Variants in DLG2 observed in about 807,000 individuals in gnomAD.
DLG2 encodes the protein disks large homolog 2.
In DLG2, 45 loss-of-function variants were observed where a neutral mutation model predicts 132.5. The observed-to-expected ratio is 0.34, with a 90% CI of 0.27 to 0.44. The LOEUF (loss-of-function observed/expected upper bound fraction) is 0.44. Ranked by LOEUF, DLG2 falls within the 20% of genes least tolerant of loss-of-function variation. The probability of loss-of-function intolerance (pLI) is 1.00; values close to 1 mark genes in which losing one functional copy is unlikely to be tolerated. For missense variants in DLG2, 1,045 were observed against 1,196.9 expected (o/e 0.87, Z 1.87); for synonymous variants, 424 against 419.6 (o/e 1.01, Z -0.13).
intron 15 of DLG2, among the ~76,000 whole-genome samples, chr11:83,885,073 A>T (rs185748913): frequency 4.6e-5 from 7 of 152,374 alleles, no homozygotes; most frequent in Non-Finnish European, 8.8e-5. Flanking sequence ...GTTTCTCACC[A>T]GCAACGGAAC....
At chr11:85,372,021 AT>A (rs370280052) in intron 3 of DLG2, among the ~76,000 whole-genome samples, 1 of 152,360 alleles carries the variant, frequency 6.6e-6, no homozygotes, top group African/African-American at 2.4e-5. Context: ...TACATTTGTC[AT>A]TAAATTCTAA....
At chr11:85,604,001 C>A (rs2080348016) in intron 2 of DLG2, among the ~76,000 whole-genome samples, 1 of 152,140 alleles carries the variant, frequency 6.6e-6, no homozygotes, top group African/African-American at 2.4e-5. Context: ...AATATTCCCA[C>A]AATCACATCT....
intron 3 of DLG2, among the ~76,000 whole-genome samples, chr11:85,423,189 G>A (rs929561739): frequency 6.6e-6 from 1 of 152,170 alleles, no homozygotes; most frequent in African/African-American, 2.4e-5. Context: ...TGAGAGCTGA[G>A]CTGTAGTGAC....
chr11:83,718,299 G>A, intron 18 of DLG2, among the ~76,000 whole-genome samples: 1 of 151,964 alleles, frequency 6.6e-6, no homozygotes. Context: ...CTCTTTTGGA[G>A]GCCAAGGCAG....
intron 6 of DLG2, among the ~76,000 whole-genome samples, chr11:84,973,775 A>G (rs1231540037): frequency 1.3e-5 from 2 of 152,230 alleles, no homozygotes; most frequent in African/African-American, 2.4e-5. Flanking sequence ...CTATTGTAGT[A>G]CAAAGTGGCC....
At chr11:84,081,413 T>A (rs1012989212) in intron 10 of DLG2, among the ~76,000 whole-genome samples, 5 of 148,594 alleles carry the variant, frequency 3.4e-5, no homozygotes, top group African/African-American at 7.4e-5. Flanking sequence ...TAAAAAATAC[T>A]TCAGGTCTAT....
intron 6 of DLG2, among the ~76,000 whole-genome samples, chr11:84,661,710 G>A (rs551203146): frequency 1.3e-5 from 2 of 152,262 alleles, no homozygotes; most frequent in African/African-American, 4.8e-5. Context: ...GGGGGAAATG[G>A]TGTTGAGGGA....
At chr11:83,953,545 G>C (rs2086028618) in intron 14 of DLG2, among the ~76,000 whole-genome samples, 1 of 152,172 alleles carries the variant, frequency 6.6e-6, no homozygotes, top group Non-Finnish European at 1.5e-5. Context: ...CCATGAAAGT[G>C]GTCCCTGGTG....
intron 6 of DLG2, among the ~76,000 whole-genome samples, chr11:84,566,831 T>TA (rs1197804586): frequency 5.9e-5 from 9 of 152,290 alleles, no homozygotes; most frequent in African/African-American, 1.9e-4. Flanking sequence ...AACTGTACTA[T>TA]AAAAAACCCT....
At chr11:84,247,832 C>T (rs1263693861) in intron 8 of DLG2, among the ~76,000 whole-genome samples, 1 of 152,126 alleles carries the variant, frequency 6.6e-6, no homozygotes, top group Non-Finnish European at 1.5e-5. Context: ...AGAACCATTT[C>T]TATCAAAAAT....
At chr11:85,076,264 C>T (rs752224380) in intron 6 of DLG2, among the ~76,000 whole-genome samples, 9 of 151,978 alleles carry the variant, frequency 5.9e-5, no homozygotes, top group Admixed American at 5.9e-4. Context: ...TAAGAAGCAA[C>T]ATGTATTTGG....
intron 6 of DLG2, among the ~76,000 whole-genome samples, chr11:84,927,323 C>T (rs1220268553): frequency 1.3e-5 from 2 of 151,874 alleles, no homozygotes; most frequent in East Asian, 3.9e-4. Flanking sequence ...AGATACCTTG[C>T]TTTTTGTTTT....
intron 17 of DLG2, among the ~76,000 whole-genome samples, chr11:83,827,508 C>T (rs193277873): frequency 5.3e-4 from 81 of 152,268 alleles, no homozygotes; most frequent in Non-Finnish European, 9.6e-4. Flanking sequence ...ACCTTCACTT[C>T]GACAGCTGCA....
At chr11:85,125,143 T>C (rs1269759204) in intron 5 of DLG2, among the ~76,000 whole-genome samples, 1 of 152,180 alleles carries the variant, frequency 6.6e-6, no homozygotes, top group Non-Finnish European at 1.5e-5. Context: ...GCGCAGTAAA[T>C]GTGTAAATGT....
At chr11:85,607,095 G>A (rs1430476035) in intron 2 of DLG2, among the ~76,000 whole-genome samples, 1 of 152,184 alleles carries the variant, frequency 6.6e-6, no homozygotes, top group Admixed American at 6.5e-5. Context: ...TCGCCAAGTG[G>A]TGAGTACCAT....
intron 6 of DLG2, among the ~76,000 whole-genome samples, chr11:84,656,947 T>C (rs2099689048): frequency 6.6e-6 from 1 of 152,188 alleles, no homozygotes; most frequent in Admixed American, 6.6e-5. Context: ...TAATAATTGC[T>C]ATTTATTGAG....
intron 18 of DLG2, among the ~76,000 whole-genome samples, chr11:83,776,159 G>A (rs190237742): frequency 1.5e-4 from 23 of 152,068 alleles, no homozygotes; most frequent in Middle Eastern, 3.4e-3. Flanking sequence ...TCTGTGAAGG[G>A]TTTGTTAATT....
chr11:85,285,422 T>G, intron 3 of DLG2, 57 bp from the exon 4 acceptor site: 8 of 1,545,006 alleles, frequency 5.2e-6, no homozygotes, highest in Non-Finnish European at 7.1e-6. Context: ...CATAAATAGC[T>G]TCTGCATATA....
At chr11:84,788,651 C>G (rs934757730) in intron 6 of DLG2, among the ~76,000 whole-genome samples, 1 of 152,008 alleles carries the variant, frequency 6.6e-6, no homozygotes, top group Non-Finnish European at 1.5e-5. Context: ...ATGTCATATA[C>G]TAAATAATAC....
Sources: allele counts gnomAD v4.1 joint callset (sites outside exome capture counted in the v4.1 genomes callset), GRCh38; gene constraint gnomAD v4.1.1; transcripts MANE v1.5; gene names NCBI Gene and HGNC (gene_info 2026-07-23, HGNC 2026-07-21).